Variants in ITGA9 observed in about 807,000 individuals in gnomAD.
The protein encoded by ITGA9 is integrin subunit alpha 9.
In ITGA9, 56 loss-of-function variants were observed where a neutral mutation model predicts 127.8. The ratio of observed to expected loss-of-function variants is 0.44; its 90% CI spans 0.35 to 0.55. The LOEUF (loss-of-function observed/expected upper bound fraction) is 0.55. Among genes scored for constraint, ITGA9 ranks in the 20% least tolerant of loss-of-function variants. ITGA9 has a pLI of 0.00. For synonymous variants in ITGA9, 508 were observed against 514.5 expected (o/e 0.99, Z 0.17); for missense variants, 1,196 against 1,347.1 (o/e 0.89, Z 1.76).
chr3:37,669,650 A>C (rs1176130564), intron 17 of ITGA9, among the ~76,000 whole-genome samples: 1 of 152,222 alleles, frequency 6.6e-6, no homozygotes, highest in African/African-American at 2.4e-5. Flanking sequence ...AGAAAAAAAA[A>C]CAGTTGCTCA....
At position 37,728,280 on chromosome 3, in the gene ITGA9, C is replaced by T. The variant is rs140536992; in HGVS notation, c.2068-4432C>T. On this transcript the variant is annotated intron_variant, in intron 18 of 27. Transcript: ENST00000264741. Reference sequence around the variant, plus strand: ...CCTGGCAGAAGTCATAGGCAACTCCCAACCAGAGCGCTCTCCACTGACATG... The same window carrying T: ...CCTGGCAGAAGTCATAGGCAACTCCTAACCAGAGCGCTCTCCACTGACATG... 2.0e-5 allele frequency among the ~76,000 whole-genome samples: 3 copies of T among 152,328 alleles called. No individual in the cohort carries two copies. In the South Asian group the frequency reaches 6.2e-4, roughly 32 times the overall value.
At chr3:37,513,483 C>T (rs113880509) in intron 8 of ITGA9, among the ~76,000 whole-genome samples, 2,766 of 151,938 alleles carry the variant, frequency 0.018, 57 homozygotes, top group South Asian at 0.077. Flanking sequence ...ATGTGCACAA[C>T]GTGCAGGTTT....
At chr3:37,735,311 G>T (rs1386453785) in intron 19 of ITGA9, among the ~76,000 whole-genome samples, 1 of 151,678 alleles carries the variant, frequency 6.6e-6, no homozygotes, top group African/African-American at 2.4e-5. Context: ...TCCTCTTCCC[G>T]CCCTGTCTCC....
intron 26 of ITGA9, among the ~76,000 whole-genome samples, chr3:37,798,108 A>G (rs1203773515): frequency 6.6e-6 from 1 of 152,102 alleles, no homozygotes; most frequent in African/African-American, 2.4e-5. Context: ...CTCCTGCCTC[A>G]GCTCCCCAAA....
intron 15 of ITGA9, among the ~76,000 whole-genome samples, chr3:37,574,477 A>G (rs1244659489): frequency 6.6e-6 from 1 of 152,154 alleles, no homozygotes; most frequent in Non-Finnish European, 1.5e-5. Flanking sequence ...CTGTTATTCC[A>G]TATTCATGCA....
intron 18 of ITGA9, among the ~76,000 whole-genome samples, chr3:37,731,644 C>G (rs879870520): frequency 6.6e-6 from 1 of 152,160 alleles, no homozygotes; most frequent in Non-Finnish European, 1.5e-5. Flanking sequence ...AATGAACTTT[C>G]ACAAAATGAT....
At chr3:37,746,237 C>T (rs1696498873) in intron 22 of ITGA9, among the ~76,000 whole-genome samples, 1 of 152,148 alleles carries the variant, frequency 6.6e-6, no homozygotes. Flanking sequence ...TCCATATGAA[C>T]AGATTTTTCT....
chr3:37,782,865 C>A (rs185396668), intron 25 of ITGA9, among the ~76,000 whole-genome samples: 2 of 152,194 alleles, frequency 1.3e-5, no homozygotes, highest in African/African-American at 4.8e-5. Context: ...AGGAGCCGGG[C>A]GCAGTGGCTC....
intron 24 of ITGA9, among the ~76,000 whole-genome samples, chr3:37,779,251 G>A (rs1696946295): frequency 6.6e-6 from 1 of 152,020 alleles, no homozygotes; most frequent in African/African-American, 2.4e-5. Flanking sequence ...ACTACAGGCG[G>A]CCACCACTAT....
chr3:37,820,499 G>C lies in ITGA9; in HGVS notation c.*1510G>C, dbSNP rs1004545980. 1 of 152,288 alleles carries C rather than the reference G, an allele frequency of 6.6e-6. No individual in the cohort carries two copies. The highest frequency in any genetic ancestry group is 2.4e-5 in the African/African-American group (1 of 41,452). 9.4% of individuals were successfully genotyped at this position (152,288 alleles called of 1,614,324 possible). A position where few individuals can be genotyped will look rare whatever the true frequency, so the allele number is the denominator to read the frequency against. On this transcript the variant is annotated 3_prime_UTR_variant, in exon 28 of 28. Coordinates refer to ENST00000264741, the MANE Select transcript of ITGA9 (RefSeq NM_002207.3). The stretch of plus-strand genomic sequence containing the variant: ...CCCACCCCCTGAATGTGTGAGTGCT[G>C]AGTTACGGCCTTCAGTATCCAAGCT...
intron 11 of ITGA9, among the ~76,000 whole-genome samples, chr3:37,521,131 A>G (rs1327718979): frequency 6.6e-6 from 1 of 152,200 alleles, no homozygotes; most frequent in Non-Finnish European, 1.5e-5. Flanking sequence ...AGGAAAAAAA[A>G]AGAAAGAAGC....
chr3:37,566,265 T>C (rs918631562), intron 15 of ITGA9, among the ~76,000 whole-genome samples: 9 of 152,174 alleles, frequency 5.9e-5, no homozygotes, highest in African/African-American at 1.9e-4. Flanking sequence ...CTGAGACAGC[T>C]AGTAAGGGAT....
intron 23 of ITGA9, among the ~76,000 whole-genome samples, chr3:37,755,218 G>A (rs997580839): frequency 6.6e-6 from 1 of 152,140 alleles, no homozygotes; most frequent in South Asian, 2.1e-4. Context: ...ACCTGACACA[G>A]CTGCTAAAAA....
At chr3:37,610,567 T>C (rs1700006599) in intron 15 of ITGA9, among the ~76,000 whole-genome samples, 1 of 152,240 alleles carries the variant, frequency 6.6e-6, no homozygotes, top group African/African-American at 2.4e-5. Context: ...AGACTTAGTT[T>C]GTCTGAGCCC....
Position 37,513,950 on chromosome 3 carries a change from T to C in ITGA9, c.1035+50T>C, listed in dbSNP as rs750946394. ...CGGATGGGTGTGGGGGAGGGACATT[T>C]GTCCAGCCAGCAGTGGCCGAGCACC... On this transcript the variant is annotated intron_variant, in intron 9 of 27. Coordinates refer to ENST00000264741, the MANE Select transcript of ITGA9 (RefSeq NM_002207.3). The C allele has an allele frequency of 1.7e-5, 27 of 1,610,448 alleles. No individual in the cohort carries two copies. The South Asian group carries it at 3.0e-4, about 18-fold the overall frequency.
intron 4 of ITGA9, among the ~76,000 whole-genome samples, chr3:37,492,195 G>C (rs1010155075): frequency 3.3e-5 from 5 of 152,066 alleles, no homozygotes; most frequent in Non-Finnish European, 5.9e-5. Context: ...ATCTAGATTT[G>C]ATTATAGGAG....
intron 19 of ITGA9, among the ~76,000 whole-genome samples, chr3:37,734,066 A>C (rs898153529): frequency 2.0e-5 from 3 of 152,228 alleles, no homozygotes; most frequent in African/African-American, 4.8e-5. Flanking sequence ...CTCTACCACA[A>C]ACTGTGTGAT....
At chr3:37,811,070 G>GC (rs1697363440) in intron 27 of ITGA9, among the ~76,000 whole-genome samples, 1 of 152,166 alleles carries the variant, frequency 6.6e-6, no homozygotes, top group Non-Finnish European at 1.5e-5. Context: ...CACAATGAGG[G>GC]CCCCAAGCTA....
intron 8 of ITGA9, 85 bp downstream of exon 8, chr3:37,508,712 A>G: frequency 9.4e-7 from 1 of 1,066,618 alleles, no homozygotes; most frequent in East Asian, 2.4e-5. Context: ...ATTGGTTTGA[A>G]GGCCCTACCT....
Sources: gnomAD v4.1 joint callset for allele counts (sites outside exome capture counted in the v4.1 genomes callset) on GRCh38, gnomAD v4.1.1 for gene constraint, MANE v1.5 for transcripts, NCBI Gene and HGNC (gene_info 2026-07-23, HGNC 2026-07-21) for gene names.